DNAH3: variants seen among roughly 807,000 people sequenced by gnomAD.
DNAH3 encodes dynein axonemal heavy chain 3, also known as axonemal beta dynein heavy chain 3.
DNAH3 carries 332 observed loss-of-function variants against 432.5 expected under a neutral mutation model. The ratio of observed to expected loss-of-function variants is 0.77; its 90% confidence interval spans 0.70 to 0.84. DNAH3 has a LOEUF of 0.84. Ranked by LOEUF, DNAH3 falls within the 40% of genes least tolerant of loss-of-function variation. The probability of loss-of-function intolerance (pLI) is 0.00; values close to 1 mark genes in which losing one functional copy is unlikely to be tolerated. For synonymous variants in DNAH3, 1,956 were observed against 1,900.2 expected (o/e 1.03, Z -0.76); for missense variants, 4,861 against 5,114.0 (o/e 0.95, Z 1.51).
chr16:21,118,434 T>C (rs2092258816), intron 11 of DNAH3, among the ~76,000 whole-genome samples: 1 of 145,292 alleles, frequency 6.9e-6, no homozygotes, highest in Non-Finnish European at 1.6e-5. Context: ...AACTTCTTTT[T>C]ATTTATTTAT....
chr16:20,980,155 C>T (rs1251310295), intron 49 of DNAH3, among the ~76,000 whole-genome samples: 3 of 112,042 alleles, frequency 2.7e-5, no homozygotes, highest in African/African-American at 7.2e-5. Context: ...TATTCCCTGA[C>T]TTTGTAGAAA....
rs151219011 is a variant in DNAH3 at position 21,148,477 on chromosome 16, G to A, written c.118-2389C>T. ...TTTGAGTCCAAGTTTTCGCTCTGTC[G>A]CCCAGGCTGGAGTGCAGTGACACAA... is the stretch of plus-strand genomic sequence containing the variant. On this transcript the variant is annotated intron_variant, in intron 1 of 61. Coordinates refer to ENST00000261383, the Ensembl canonical transcript of DNAH3. Among the ~76,000 whole-genome samples, 205 of 149,642 alleles carry A rather than the reference G, an allele frequency of 1.4e-3. 2 individuals carry two copies. Among genetic ancestry groups the A allele is most frequent in the African/African-American group, 4.7e-3 (190 of 40,450 alleles).
At chr16:20,982,877 G>A (rs149516493) in exon 49 of DNAH3, 1 of 1,614,002 alleles carries the variant, frequency 6.2e-7, no homozygotes, top group Non-Finnish European at 8.5e-7. Flanking sequence ...ATCCCCTATT[G>A]GACTCATGGC....
chr16:20,974,912 A>G (rs1187342317), intron 51 of DNAH3, among the ~76,000 whole-genome samples: 1 of 150,702 alleles, frequency 6.6e-6, no homozygotes, highest in Non-Finnish European at 1.5e-5. Context: ...TCTGCCTCCC[A>G]GGTTCAAGCA....
In DNAH3 at chr16:20,982,278, G is replaced by T. The variant is rs187756117; in HGVS notation, c.7859+443C>A. 2.1e-3 allele frequency among the ~76,000 whole-genome samples: 313 copies of T among 152,006 alleles called. 1 individual carries two copies. Among genetic ancestry groups the T allele is most frequent in the Non-Finnish European group, 3.6e-3 (244 of 67,958 alleles). On this transcript the variant is annotated intron_variant, in intron 49 of 61. Coordinates refer to ENST00000261383, the Ensembl canonical transcript of DNAH3. ...AGGTGCCTGTAATCCCAGCTGCTTG[G>T]GGGAGGCTGAGGCATGAGAATCACT...
At chr16:21,130,091 G>GAAAAAAAAAAAAAAAAAAAAAAAAAAAA (rs58706051) in intron 7 of DNAH3, 1 of 79,152 alleles carries the variant, frequency 1.3e-5, no homozygotes, top group Non-Finnish European at 2.6e-5. Flanking sequence ...CTAAATAAAT[G>GAAAAAAAAAAAAAAAAAAAAAAAAAAAA]AAAAAAAAAA....
chr16:21,142,800 C>T (rs562383969), intron 3 of DNAH3, among the ~76,000 whole-genome samples: 59 of 152,190 alleles, frequency 3.9e-4, no homozygotes, highest in African/African-American at 1.4e-3. Flanking sequence ...AGTACAGGCG[C>T]ATGCCACCAC....
In DNAH3 at chr16:20,970,004, G is replaced by A. The variant is rs1567552444; in HGVS notation, c.8260-14C>T. 2 of 1,612,914 alleles carry A rather than the reference G, an allele frequency of 1.2e-6. No homozygotes were observed. Among genetic ancestry groups the A allele is most frequent in the Non-Finnish European group, 1.7e-6 (2 of 1,179,784 alleles). Reference sequence around the variant, plus strand: ...CTCACATTCGTTCTGTGGGCGGCATGAGGACAAAGGAGATGAGTGCCCAGG... The same window carrying A: ...CTCACATTCGTTCTGTGGGCGGCATAAGGACAAAGGAGATGAGTGCCCAGG... On this transcript the variant is annotated splice_polypyrimidine_tract_variant and intron_variant, in intron 51 of 61. Transcript: ENST00000261383.
At chr16:20,967,934 T>C (rs1443028180) in intron 52 of DNAH3, among the ~76,000 whole-genome samples, 1 of 152,156 alleles carries the variant, frequency 6.6e-6, no homozygotes, top group Non-Finnish European at 1.5e-5. Flanking sequence ...AGGATGCTCT[T>C]GTAACATCTG....
In DNAH3 at chr16:21,048,984, G is replaced by A. The variant is rs117178076; in HGVS notation, c.4461+585C>T. Among the ~76,000 whole-genome samples the A allele has an allele frequency of 1.7e-3, 258 of 151,604 alleles. 7 individuals carry two copies. In the East Asian group the frequency reaches 0.04, roughly 23 times the overall value. On this transcript the variant is annotated intron_variant, in intron 31 of 61. Coordinates refer to ENST00000261383, the Ensembl canonical transcript of DNAH3. ...GCTGAAATAACAGGTGTGAGCCACC[G>A]CGCTCAGCCAAGACTTTTTTTTTTT...
At chr16:20,981,674 G>A (rs934601020) in intron 49 of DNAH3, among the ~76,000 whole-genome samples, 17 of 152,162 alleles carry the variant, frequency 1.1e-4, no homozygotes, top group African/African-American at 3.6e-4. Flanking sequence ...GCTGTGAGCC[G>A]AGATCGCACC....
chr16:21,125,176 T>C (rs755043690), exon 9 of DNAH3: 1 of 1,598,668 alleles, frequency 6.3e-7, no homozygotes, highest in South Asian at 1.1e-5. Context: ...CTGACTTACT[T>C]TGTGTATCAT....
At chr16:21,130,303 C>CTT (rs59707842) in intron 7 of DNAH3, among the ~76,000 whole-genome samples, 6 of 133,418 alleles carry the variant, frequency 4.5e-5, no homozygotes, top group African/African-American at 2.8e-5. Context: ...AAGCCCTCCA[C>CTT]TTTTTTTTTT....
At position 20,948,022 on chromosome 16, in the gene DNAH3, C is replaced by T. The variant is rs369542454; in HGVS notation, c.11343+461G>A. ...AACTCCTGAGCTTAAGTGATCCACC[C>T]GCCTCAGCCTCCCAAAGTGCTGAGA... is the stretch of plus-strand genomic sequence containing the variant. On this transcript the variant is annotated intron_variant, in intron 57 of 61. Coordinates refer to ENST00000261383, the Ensembl canonical transcript of DNAH3. Among the ~76,000 whole-genome samples the T allele has an allele frequency of 2.6e-5, 4 of 152,086 alleles. No homozygotes were observed. In the South Asian group the frequency reaches 6.2e-4, roughly 24 times the overall value.
chr16:21,036,094 G>A (rs2089152971), intron 35 of DNAH3, among the ~76,000 whole-genome samples: 1 of 152,166 alleles, frequency 6.6e-6, no homozygotes, highest in South Asian at 2.1e-4. Flanking sequence ...GGAGGCTGAG[G>A]TGGGTGGATC....
intron 50 of DNAH3, among the ~76,000 whole-genome samples, chr16:20,976,685 TAG>T (rs1413398307): frequency 3.9e-5 from 6 of 152,150 alleles, no homozygotes; most frequent in African/African-American, 1.2e-4. Flanking sequence ...TGAAGATAAT[TAG>T]AGTTAGAAGA....
intron 14 of DNAH3, 66 bp downstream of exon 14, chr16:21,111,560 G>A: frequency 2.0e-6 from 3 of 1,485,146 alleles, no homozygotes; most frequent in Non-Finnish European, 2.8e-6. Flanking sequence ...TGCAAGTTCT[G>A]GTCACTTTTT....
At chr16:20,985,858 TGTTTC>T (rs1157916529) in intron 47 of DNAH3, 143 bp from the exon 48 acceptor site, 16 of 861,092 alleles carry the variant, frequency 1.9e-5, no homozygotes, top group Admixed American at 1.8e-4. Flanking sequence ...AGTTTTGTTT[TGTTTC>T]GTTTTGTTTT....
intron 22 of DNAH3, 140 bp from the exon 23 acceptor site, chr16:21,069,734 TC>T (rs2090713620): frequency 1.4e-6 from 1 of 711,396 alleles, no homozygotes; most frequent in South Asian, 2.0e-5. Context: ...TATTGAGGGC[TC>T]CCTATGCTCT....
Sources: allele counts gnomAD v4.1 joint callset (sites outside exome capture counted in the v4.1 genomes callset), GRCh38; gene constraint gnomAD v4.1.1; transcripts MANE v1.5; gene names NCBI Gene and HGNC (gene_info 2026-07-23, HGNC 2026-07-21).